Variants in DPF3 observed in about 807,000 individuals in gnomAD.
The protein encoded by DPF3 is zinc finger protein DPF3.
DPF3 carries 18 observed loss-of-function variants against 56.8 expected under a neutral mutation model. That is an observed-to-expected ratio of 0.32 (90% CI 0.22 to 0.47). The LOEUF is 0.47. Ranked by LOEUF, DPF3 falls within the 20% of genes least tolerant of loss-of-function variation. The probability of loss-of-function intolerance (pLI) is 1.00; values close to 1 mark genes in which losing one functional copy is unlikely to be tolerated. For synonymous variants in DPF3, 188 were observed against 180.2 expected (o/e 1.04, Z -0.35); for missense variants, 403 against 488.8 (o/e 0.82, Z 1.65).
At chr14:72,833,406 T>C (rs530334637) in intron 1 of DPF3, among the ~76,000 whole-genome samples, 1 of 152,236 alleles carries the variant, frequency 6.6e-6, no homozygotes, top group South Asian at 2.1e-4. Flanking sequence ...GAGGTCCTGG[T>C]TGGATATACA....
chr14:72,773,052 G>C (rs1190493812), intron 1 of DPF3, among the ~76,000 whole-genome samples: 1 of 151,802 alleles, frequency 6.6e-6, no homozygotes, highest in East Asian at 1.9e-4. Context: ...AAATGAGAGG[G>C]GAAGTCTCTA....
chr14:72,654,414 C>T (rs149819610), intron 8 of DPF3, among the ~76,000 whole-genome samples: 51 of 152,318 alleles, frequency 3.3e-4, no homozygotes, highest in Admixed American at 6.5e-4. Context: ...CTGGCACTCA[C>T]ATTTTGCACC....
chr14:72,723,615 A>G lies in DPF3; in HGVS notation c.525+18T>C. 6.4e-7 allele frequency: 1 copy of G among 1,553,218 alleles called. No individual in the cohort carries two copies. Among genetic ancestry groups the G allele is most frequent in the Non-Finnish European group, 8.6e-7 (1 of 1,158,350 alleles). On this transcript the variant is annotated intron_variant, in intron 5 of 10. Coordinates refer to ENST00000556509, the MANE Select transcript of DPF3 (RefSeq NM_001280542.3). ...GCCTCCCTCATCTCTTTCCTCGCTC[A>G]TGTCATCCCCAACTTACCCGTCCTC...
At chr14:72,701,971 A>T (rs972668049) in intron 6 of DPF3, among the ~76,000 whole-genome samples, 10 of 152,070 alleles carry the variant, frequency 6.6e-5, no homozygotes, top group African/African-American at 2.4e-4. Context: ...CATCACACCT[A>T]CCATCAGGCA....
chr14:72,800,727 T>C (rs1373110315), intron 1 of DPF3, among the ~76,000 whole-genome samples: 1 of 152,014 alleles, frequency 6.6e-6, no homozygotes, highest in Non-Finnish European at 1.5e-5. Context: ...GATGGATGGA[T>C]AGATGCATGG....
At chr14:72,639,748 A>T (rs911221937) in intron 8 of DPF3, among the ~76,000 whole-genome samples, 1 of 152,220 alleles carries the variant, frequency 6.6e-6, no homozygotes, top group Non-Finnish European at 1.5e-5. Context: ...CTTGGGCCAG[A>T]GGCACCCAGA....
chr14:72,795,510 C>A (rs1222986771), intron 1 of DPF3, among the ~76,000 whole-genome samples: 1 of 152,048 alleles, frequency 6.6e-6, no homozygotes, highest in Non-Finnish European at 1.5e-5. Flanking sequence ...ATCTTTCACA[C>A]CATGTCTGGC....
intron 9 of DPF3, among the ~76,000 whole-genome samples, chr14:72,624,354 T>C (rs1884677067): frequency 8.4e-6 from 1 of 118,624 alleles, no homozygotes. Flanking sequence ...TTTTTTTTTT[T>C]CTGAGACAGA....
intron 10 of DPF3, 37 bp downstream of exon 10, chr14:72,619,865 TC>T: frequency 6.7e-7 from 1 of 1,500,976 alleles, no homozygotes; most frequent in Non-Finnish European, 8.9e-7. Flanking sequence ...AGTAGTAGTA[TC>T]TGTTGCTGTT....
intron 1 of DPF3, among the ~76,000 whole-genome samples, chr14:72,886,948 A>T (rs1356466236): frequency 6.6e-6 from 1 of 152,186 alleles, no homozygotes; most frequent in Non-Finnish European, 1.5e-5. Flanking sequence ...GAGGAAGCTC[A>T]GTGAGACATC....
chr14:72,661,967 A>G, intron 8 of DPF3: 1 of 982,974 alleles, frequency 1.0e-6, no homozygotes, highest in Non-Finnish European at 1.2e-6. Flanking sequence ...TTCCTGAGCT[A>G]GACCTCATCA....
rs570812052 is a variant in DPF3, at chr14:72,714,654, G to A, written c.526-153C>T. 6.9e-5 allele frequency: 52 copies of A among 758,334 alleles called. No individual in the cohort carries two copies. The South Asian group carries it at 8.9e-4, about 13-fold the overall frequency. The allele number at this position is 758,334 out of a possible 1,614,324, so 47.0% of individuals were successfully genotyped here. The stretch of plus-strand genomic sequence containing the variant: ...AGGGGAGGAAACTGAGGCCCAGAGA[G>A]GTCAGGAGACATGCCCCCAAATCAC... On this transcript the variant is annotated intron_variant, in intron 5 of 10. Transcript: ENST00000556509.
At chr14:72,643,487 C>A (rs1324748414) in intron 8 of DPF3, among the ~76,000 whole-genome samples, 1 of 152,238 alleles carries the variant, frequency 6.6e-6, no homozygotes, top group Non-Finnish European at 1.5e-5. Context: ...CAGTCCAGCC[C>A]ACACAAAGGG....
At chr14:72,870,805 T>C (rs1261749211) in intron 1 of DPF3, among the ~76,000 whole-genome samples, 1 of 152,188 alleles carries the variant, frequency 6.6e-6, no homozygotes, top group Non-Finnish European at 1.5e-5. Flanking sequence ...CTGGGCACAG[T>C]GGCTCATGCC....
At chr14:72,722,760 C>T (rs1889231206) in intron 5 of DPF3, among the ~76,000 whole-genome samples, 1 of 152,244 alleles carries the variant, frequency 6.6e-6, no homozygotes, top group African/African-American at 2.4e-5. Context: ...TTGCAGACCC[C>T]AGACGGCCAC....
At position 72,723,817 on chromosome 14, in the gene DPF3, GT is replaced by G. The variant is rs1889283197; in HGVS notation, c.430-90del. ...AGTAATTTTAAGGGTGTTCTGATTT[GT>G]TGTTATTTTTTAACAAAGTGAAGAC... On this transcript the variant is annotated intron_variant, in intron 4 of 10. Coordinates refer to ENST00000556509, the MANE Select transcript of DPF3 (RefSeq NM_001280542.3). 25 of 1,316,534 alleles carry G rather than the reference GT, an allele frequency of 1.9e-5. No individual in the cohort carries two copies. The South Asian group carries it at 2.8e-4, about 15-fold the overall frequency. The allele number at this position is 1,316,534 out of a possible 1,614,324, so 81.6% of individuals were successfully genotyped here.
chr14:72,641,878 G>T (rs1257066529), intron 8 of DPF3, among the ~76,000 whole-genome samples: 1 of 152,206 alleles, frequency 6.6e-6, no homozygotes, highest in Non-Finnish European at 1.5e-5. Context: ...AGGCACTGTG[G>T]TTTCTGTCTT....
chr14:72,718,883 GC>G (rs1711722284), intron 5 of DPF3, among the ~76,000 whole-genome samples: 1 of 145,800 alleles, frequency 6.9e-6, no homozygotes, highest in Non-Finnish European at 1.5e-5. Context: ...GTGATTCTCC[GC>G]CTCAGCCCCC....
chr14:72,742,886 C>T (rs532659461), intron 3 of DPF3, among the ~76,000 whole-genome samples: 2 of 152,266 alleles, frequency 1.3e-5, no homozygotes, highest in African/African-American at 2.4e-5. Flanking sequence ...CACCCCTGCT[C>T]GAGCTGGCCA....
Sources: allele counts gnomAD v4.1 joint callset (sites outside exome capture counted in the v4.1 genomes callset), GRCh38; gene constraint gnomAD v4.1.1; transcripts MANE v1.5; gene names NCBI Gene and HGNC (gene_info 2026-07-23, HGNC 2026-07-21).